Variants in BBOX1 observed in about 807,000 individuals in gnomAD.
BBOX1 encodes gamma-butyrobetaine dioxygenase.
BBOX1 carries 35 observed loss-of-function variants against 41.6 expected under a neutral mutation model. The ratio of observed to expected loss-of-function variants is 0.84; its 90% CI spans 0.64 to 1.11. BBOX1 has a LOEUF of 1.11. Among genes scored for constraint, BBOX1 ranks in the 50% most tolerant of loss-of-function variants. The probability of loss-of-function intolerance (pLI) is 0.00; values close to 1 mark genes in which losing one functional copy is unlikely to be tolerated. For missense variants in BBOX1, 458 were observed against 460.6 expected, an observed-to-expected ratio of 0.99 and a Z score of 0.05; for synonymous variants, 163 against 154.7, an observed-to-expected ratio of 1.05 and a Z score of -0.40.
At chr11:27,088,042 T>C (rs1252315715) in intron 4 of BBOX1, among the ~76,000 whole-genome samples, 1 of 152,042 alleles carries the variant, frequency 6.6e-6, no homozygotes, top group South Asian at 2.1e-4. Flanking sequence ...TTAAAGAATA[T>C]AAATCTTTCT....
chr11:27,071,455 C>T (rs868153818), intron 4 of BBOX1, among the ~76,000 whole-genome samples: 2 of 151,622 alleles, frequency 1.3e-5, no homozygotes, highest in Non-Finnish European at 1.5e-5. Context: ...TTTGGCTCTG[C>T]GTCCTCACCC....
intron 4 of BBOX1, among the ~76,000 whole-genome samples, chr11:27,075,608 C>A (rs1412225685): frequency 1.3e-5 from 2 of 152,170 alleles, no homozygotes; most frequent in African/African-American, 2.4e-5. Context: ...CAGTCACACT[C>A]CTGACCCAGT....
intron 7 of BBOX1, among the ~76,000 whole-genome samples, chr11:27,122,984 G>A (rs1590230900): frequency 6.6e-6 from 1 of 151,964 alleles, no homozygotes; most frequent in East Asian, 1.9e-4. Flanking sequence ...TCTGTTATAA[G>A]GCATCAAATT....
At chr11:27,056,415 G>T (rs758573757) in intron 3 of BBOX1, among the ~76,000 whole-genome samples, 48 of 151,982 alleles carry the variant, frequency 3.2e-4, no homozygotes, top group Non-Finnish European at 6.0e-4. Flanking sequence ...GGGCCACCAT[G>T]CCCGGCTAAT....
chr11:27,124,971 TAG>T (rs1859598711), intron 7 of BBOX1, among the ~76,000 whole-genome samples: 1 of 152,244 alleles, frequency 6.6e-6, no homozygotes, highest in Non-Finnish European at 1.5e-5. Flanking sequence ...CTAAAAAATA[TAG>T]AGAGTGATAT....
chr11:27,049,535 C>T (rs898314982), intron 2 of BBOX1, among the ~76,000 whole-genome samples: 1 of 152,112 alleles, frequency 6.6e-6, no homozygotes, highest in African/African-American at 2.4e-5. Flanking sequence ...CAGGCATGTA[C>T]CACTGCACCC....
At chr11:27,116,414 T>C (rs1859262526) in intron 6 of BBOX1, among the ~76,000 whole-genome samples, 1 of 151,652 alleles carries the variant, frequency 6.6e-6, no homozygotes, top group Admixed American at 6.6e-5. Flanking sequence ...ATGGCACGTG[T>C]ATATATATGT....
At chr11:27,067,338 G>T (rs985226307) in intron 4 of BBOX1, among the ~76,000 whole-genome samples, 1 of 152,042 alleles carries the variant, frequency 6.6e-6, no homozygotes, top group Non-Finnish European at 1.5e-5. Flanking sequence ...AGTGTACGTT[G>T]TAACGAATAT....
At chr11:27,063,966 AT>A (rs1489147347) in intron 4 of BBOX1, among the ~76,000 whole-genome samples, 1 of 152,212 alleles carries the variant, frequency 6.6e-6, no homozygotes, top group Non-Finnish European at 1.5e-5. Context: ...TGCAGAGGCC[AT>A]TTTTACAAAG....
chr11:27,089,980 C>T (rs1197346077), intron 4 of BBOX1, among the ~76,000 whole-genome samples: 1 of 151,938 alleles, frequency 6.6e-6, no homozygotes, highest in African/African-American at 2.4e-5. Flanking sequence ...ACACAATGAG[C>T]AAATGGGAGT....
chr11:27,086,036 AG>A lies in BBOX1; in HGVS notation c.335-7131del, dbSNP rs144066704. ...AGAGGTAAAGAAGCTATAGAAGAAA[AG>A]TCTGGCAGTAGCAGAGGTTGGTTCA... On this transcript the variant is annotated intron_variant, in intron 4 of 8. Coordinates refer to ENST00000263182, the MANE Select transcript of BBOX1 (RefSeq NM_003986.3). 9.9e-4 allele frequency among the ~76,000 whole-genome samples: 151 copies of A among 152,262 alleles called. 3 individuals are homozygous for A. The East Asian group carries it at 0.023, about 24-fold the overall frequency.
At chr11:27,050,625 G>A (rs549702754) in intron 2 of BBOX1, among the ~76,000 whole-genome samples, 198 of 147,848 alleles carry the variant, frequency 1.3e-3, no homozygotes, top group Middle Eastern at 3.4e-3. Context: ...TTGTCTTATC[G>A]ATACCTTTTT....
intron 2 of BBOX1, among the ~76,000 whole-genome samples, chr11:27,054,234 T>TGTGTGTGTGTGCGC (rs1491475061): frequency 2.6e-4 from 38 of 148,300 alleles, no homozygotes; most frequent in African/African-American, 6.8e-4. Context: ...TGTGTGTGTG[T>TGTGTGTGTGTGCGC]GCGTGCACAT....
At chr11:27,071,456 G>A (rs188016497) in intron 4 of BBOX1, among the ~76,000 whole-genome samples, 76 of 151,958 alleles carry the variant, frequency 5.0e-4, no homozygotes, top group African/African-American at 1.3e-3. Flanking sequence ...TTGGCTCTGC[G>A]TCCTCACCCA....
chr11:27,042,358 T>C (rs1292699088), intron 2 of BBOX1, among the ~76,000 whole-genome samples: 3 of 152,212 alleles, frequency 2.0e-5, no homozygotes, highest in Non-Finnish European at 2.9e-5. Context: ...TTATTTTTGT[T>C]GTTATTGTTG....
chr11:27,090,647 C>G (rs1858210739), intron 4 of BBOX1, among the ~76,000 whole-genome samples: 1 of 151,884 alleles, frequency 6.6e-6, no homozygotes, highest in Non-Finnish European at 1.5e-5. Context: ...CAACAGAAAA[C>G]AGGGTTTGAG....
chr11:27,116,825 G>A (rs1168227709), intron 6 of BBOX1, among the ~76,000 whole-genome samples: 1 of 151,998 alleles, frequency 6.6e-6, no homozygotes, highest in Non-Finnish European at 1.5e-5. Flanking sequence ...CAGGAGGTGA[G>A]GAAATAGACC....
At chr11:27,075,258 A>G (rs1857596127) in intron 4 of BBOX1, among the ~76,000 whole-genome samples, 1 of 152,140 alleles carries the variant, frequency 6.6e-6, no homozygotes, top group African/African-American at 2.4e-5. Context: ...TAGTCTTTGT[A>G]TGATGACTTT....
intron 7 of BBOX1, among the ~76,000 whole-genome samples, chr11:27,121,616 G>A (rs374112913): frequency 9.5e-4 from 145 of 152,174 alleles, no homozygotes; most frequent in African/African-American, 3.4e-3. Flanking sequence ...GATTGTTTTC[G>A]TGAAAGATTG....
Sources: gnomAD v4.1 joint callset for allele counts (sites outside exome capture counted in the v4.1 genomes callset) on GRCh38, gnomAD v4.1.1 for gene constraint, MANE v1.5 for transcripts, NCBI Gene and HGNC (gene_info 2026-07-23, HGNC 2026-07-21) for gene names.